The following ASXL2 variants were observed in gnomAD, a reference collection of about 807,000 sequenced individuals.
ASXL2 encodes ASXL transcriptional regulator 2, also known as putative Polycomb group protein ASXL2.
Under a neutral mutation model 122.0 loss-of-function variants are expected in ASXL2, and 23 were observed. The observed-to-expected ratio is 0.19, with a 90% confidence interval of 0.14 to 0.27. The LOEUF is 0.27. Among genes scored for constraint, ASXL2 ranks in the 10% least tolerant of loss-of-function variants. The probability of loss-of-function intolerance (pLI) is 1.00; values close to 1 mark genes in which losing one functional copy is unlikely to be tolerated. For missense variants in ASXL2, 1,518 were observed against 1,713.8 expected, an observed-to-expected ratio of 0.89 and a Z score of 2.02; for synonymous variants, 650 against 637.0, an observed-to-expected ratio of 1.02 and a Z score of -0.31.
intron 3 of ASXL2, among the ~76,000 whole-genome samples, chr2:25,833,796 C>G (rs1378000714): frequency 6.6e-6 from 1 of 152,154 alleles, no homozygotes; most frequent in African/African-American, 2.4e-5. Context: ...CATCCCTGGG[C>G]ACTGGGCCAA....
chr2:25,801,920 A>G (rs974119942), intron 4 of ASXL2, among the ~76,000 whole-genome samples: 1 of 152,164 alleles, frequency 6.6e-6, no homozygotes, highest in African/African-American at 2.4e-5. Flanking sequence ...TGTGACATCT[A>G]CCACCCAACA....
At chr2:25,787,832 C>A (rs146720781) in intron 5 of ASXL2, among the ~76,000 whole-genome samples, 1 of 152,278 alleles carries the variant, frequency 6.6e-6, no homozygotes, top group African/African-American at 2.4e-5. Context: ...TAACCAAAAT[C>A]ATAGCAGGTT....
At position 25,860,467 on chromosome 2, in the gene ASXL2, G is replaced by A. The variant is rs565373929; in HGVS notation, c.58-14904C>T. Reference sequence around the variant, plus strand: ...GCGGTGGCTCACGCCTGTAATCCCAGCACTTTGGGAAGCCAAGGCAGGTGG... The same window carrying A: ...GCGGTGGCTCACGCCTGTAATCCCAACACTTTGGGAAGCCAAGGCAGGTGG... On this transcript the variant is annotated intron_variant, in intron 1 of 12. Coordinates refer to ENST00000435504, the MANE Select transcript of ASXL2 (RefSeq NM_018263.6). Among the ~76,000 whole-genome samples the A allele has an allele frequency of 9.7e-4, 148 of 152,264 alleles. 1 individual carries two copies. The highest frequency in any genetic ancestry group is 3.4e-3 in the Middle Eastern group (1 of 294).
chr2:25,758,320 A>G (rs188097236), intron 9 of ASXL2, among the ~76,000 whole-genome samples: 1 of 152,244 alleles, frequency 6.6e-6, no homozygotes, highest in Non-Finnish European at 1.5e-5. Context: ...ACTACGAACA[A>G]GAGAGTATAA....
At chr2:25,842,717 TAG>T (rs1489476277) in intron 2 of ASXL2, among the ~76,000 whole-genome samples, 3 of 151,190 alleles carry the variant, frequency 2.0e-5, no homozygotes, top group East Asian at 1.9e-4. Context: ...GATAGATAGA[TAG>T]ATAGATGTAT....
chr2:25,845,332 C>CTT, intron 2 of ASXL2, 149 bp downstream of exon 2: 1 of 1,311,926 alleles, frequency 7.6e-7, no homozygotes, highest in Non-Finnish European at 1.0e-6. Flanking sequence ...TATGTAATGA[C>CTT]TTAAAAAATG....
In ASXL2 at chr2:25,740,378, G is replaced by A. The variant is rs2087808415; in HGVS notation, c.*1651C>T. 1 of 225,240 alleles carries A rather than the reference G, an allele frequency of 4.4e-6. No individual in the cohort carries two copies. The allele number at this position is 225,240 out of a possible 1,614,324, so 14.0% of individuals were successfully genotyped here. On this transcript the variant is annotated 3_prime_UTR_variant, in exon 13 of 13. Coordinates refer to ENST00000435504, the MANE Select transcript of ASXL2 (RefSeq NM_018263.6). ...GAATGTGACTTAACAAGTTTAAACT[G>A]TTCTGCATTTTGTAAATATCACATC... is the stretch of plus-strand genomic sequence containing the variant.
At chr2:25,817,105 G>A (rs541394498) in intron 3 of ASXL2, among the ~76,000 whole-genome samples, 2 of 151,934 alleles carry the variant, frequency 1.3e-5, no homozygotes, top group African/African-American at 2.4e-5. Flanking sequence ...CTGGTTGGCA[G>A]AGCAAGACTC....
intron 3 of ASXL2, among the ~76,000 whole-genome samples, chr2:25,828,794 C>G (rs931832182): frequency 8.9e-5 from 12 of 135,288 alleles, no homozygotes; most frequent in Admixed American, 3.3e-4. Context: ...CATTGCACTC[C>G]AGCCCAGGCA....
At chr2:25,758,745 TG>T (rs2088184827) in intron 9 of ASXL2, among the ~76,000 whole-genome samples, 2 of 151,628 alleles carry the variant, frequency 1.3e-5, no homozygotes, top group Admixed American at 1.3e-4. Flanking sequence ...AAGTAATAAA[TG>T]TTTCTCTTAG....
chr2:25,773,609 T>C (rs2088495398), intron 5 of ASXL2, among the ~76,000 whole-genome samples: 2 of 146,108 alleles, frequency 1.4e-5, no homozygotes, highest in African/African-American at 5.1e-5. Flanking sequence ...GAGCTTGCAG[T>C]GAGCCGAGAT....
intron 1 of ASXL2, among the ~76,000 whole-genome samples, chr2:25,871,301 A>G (rs774951833): frequency 2.6e-5 from 4 of 152,162 alleles, no homozygotes; most frequent in Non-Finnish European, 5.9e-5. Flanking sequence ...AGGGGGGGAA[A>G]AATGTCCCAC....
chr2:25,798,240 T>A (rs915058806), intron 5 of ASXL2, among the ~76,000 whole-genome samples: 4 of 152,090 alleles, frequency 2.6e-5, no homozygotes, highest in African/African-American at 9.7e-5. Flanking sequence ...AATTCCTGGG[T>A]GATGAAATCG....
In ASXL2 at chr2:25,878,320, A is replaced by C; in HGVS notation, c.-98T>G. The C allele has an allele frequency of 7.6e-7, 1 of 1,312,012 alleles. No individual in the cohort carries two copies. The allele number at this position is 1,312,012 out of a possible 1,614,324, so 81.3% of individuals were successfully genotyped here. A position where few individuals can be genotyped will look rare whatever the true frequency, so the allele number is the denominator to read the frequency against. On this transcript the variant is annotated 5_prime_UTR_variant, in exon 1 of 13. Coordinates refer to ENST00000435504, the MANE Select transcript of ASXL2 (RefSeq NM_018263.6). ...GCTGCTTTTCCCGCGGTGCCGGGAA[A>C]GGTGGGAGAAAAGGGAAGTCAGACC...
intron 11 of ASXL2, among the ~76,000 whole-genome samples, chr2:25,751,655 A>C (rs2088047398): frequency 6.6e-6 from 1 of 151,846 alleles, no homozygotes; most frequent in Admixed American, 6.6e-5. Context: ...AAAGAAAAAG[A>C]GAAAAAAAAG....
chr2:25,762,665 G>GAAAAAA (rs60065368), intron 8 of ASXL2, among the ~76,000 whole-genome samples: 114 of 34,076 alleles, frequency 3.3e-3, no homozygotes, highest in East Asian at 4.4e-3. Flanking sequence ...ACTCTTTCTC[G>GAAAAAA]AAAAAAAAAA....
intron 1 of ASXL2, among the ~76,000 whole-genome samples, chr2:25,872,194 C>G (rs2089966550): frequency 6.6e-6 from 1 of 152,120 alleles, no homozygotes. Flanking sequence ...CCAGGCTGGG[C>G]AGCATGGCAA....
chr2:25,837,108 C>T (rs2149189254), intron 2 of ASXL2, among the ~76,000 whole-genome samples: 1 of 146,892 alleles, frequency 6.8e-6, no homozygotes, highest in African/African-American at 2.5e-5. Flanking sequence ...GTGGGAAGCA[C>T]TAAAGGCAAT....
intron 5 of ASXL2, among the ~76,000 whole-genome samples, chr2:25,779,247 C>T (rs1377602240): frequency 2.6e-5 from 4 of 151,866 alleles, no homozygotes; most frequent in Non-Finnish European, 5.9e-5. Context: ...CAGGCGCCCA[C>T]CACCATGCCT....
Sources: allele counts gnomAD v4.1 joint callset (sites outside exome capture counted in the v4.1 genomes callset), GRCh38; gene constraint gnomAD v4.1.1; transcripts MANE v1.5; gene names NCBI Gene and HGNC (gene_info 2026-07-23, HGNC 2026-07-21).